PAPPA2: variants seen among roughly 807,000 people sequenced by gnomAD.
The protein encoded by PAPPA2 is pappalysin 2.
PAPPA2 carries 86 observed loss-of-function variants against 176.4 expected under a neutral mutation model. That is an observed-to-expected ratio of 0.49 (90% CI 0.41 to 0.58). The LOEUF (loss-of-function observed/expected upper bound fraction) is 0.58. Among genes scored for constraint, PAPPA2 ranks in the 20% least tolerant of loss-of-function variants. The pLI is 0.00. For synonymous variants in PAPPA2, 809 were observed against 852.2 expected (o/e 0.95, Z 0.88); for missense variants, 2,073 against 2,256.9 (o/e 0.92, Z 1.65).
intron 3 of PAPPA2, among the ~76,000 whole-genome samples, chr1:176,650,765 C>A (rs1406384965): frequency 1.5e-5 from 2 of 137,830 alleles, no homozygotes; most frequent in African/African-American, 5.4e-5. Flanking sequence ...CTGGTTGCTT[C>A]ATATTTTGTT....
At chr1:176,756,341 A>C (rs1178636574) in intron 14 of PAPPA2, among the ~76,000 whole-genome samples, 1 of 152,202 alleles carries the variant, frequency 6.6e-6, no homozygotes, top group Non-Finnish European at 1.5e-5. Flanking sequence ...AGGAGGAGGA[A>C]GAATAGGAGG....
chr1:176,555,018 AGAGAGG>A (rs1425872025), intron 1 of PAPPA2, among the ~76,000 whole-genome samples: 1 of 151,204 alleles, frequency 6.6e-6, no homozygotes, highest in Non-Finnish European at 1.5e-5. Context: ...AGAGAGAGAG[AGAGAGG>A]GAGAATACAC....
chr1:176,774,819 C>T (rs916304317), intron 17 of PAPPA2, among the ~76,000 whole-genome samples: 1 of 152,166 alleles, frequency 6.6e-6, no homozygotes, highest in Admixed American at 6.5e-5. Flanking sequence ...TCTAGCAGGG[C>T]TTCGCTTACT....
Position 176,769,438 on chromosome 1 carries a change from T to G in PAPPA2, c.4324-169T>G, listed in dbSNP as rs552855790. On this transcript the variant is annotated intron_variant, in intron 15 of 22. Transcript: ENST00000367662. ...CTTTTATCAGCATCATACTGAGTGT[T>G]GTAAGAATGTATATTAAAACAGTGA... 1.6e-4 allele frequency among the ~76,000 whole-genome samples: 24 copies of G among 152,294 alleles called. No individual in the cohort carries two copies. In the East Asian group the frequency reaches 4.3e-3, roughly 27 times the overall value.
rs989913815 is a variant in PAPPA2 at position 176,845,319 on chromosome 1, A to G, written c.*2865A>G. ...GAAAGGCAGGTAAGGGGACAGGGTGAGGAGAATGGGCAGATACTGACAGAA... is the reference window on the plus strand; with the variant it reads ...GAAAGGCAGGTAAGGGGACAGGGTGGGGAGAATGGGCAGATACTGACAGAA... On this transcript the variant is annotated 3_prime_UTR_variant, in exon 23 of 23. Transcript: ENST00000367662. 11 of 152,220 alleles carry G rather than the reference A, an allele frequency of 7.2e-5. No individual in the cohort carries two copies. Among genetic ancestry groups the G allele is most frequent in the African/African-American group, 2.7e-4 (11 of 41,454 alleles). The allele number at this position is 152,220 out of a possible 1,614,324, so 9.4% of individuals were successfully genotyped here.
At chr1:176,797,264 A>G (rs1275038413) in intron 20 of PAPPA2, among the ~76,000 whole-genome samples, 1 of 152,220 alleles carries the variant, frequency 6.6e-6, no homozygotes, top group Non-Finnish European at 1.5e-5. Context: ...AATGTTAACA[A>G]TTTTTGATAA....
chr1:176,731,386 A>G (rs372252344), intron 12 of PAPPA2, among the ~76,000 whole-genome samples: 7 of 151,834 alleles, frequency 4.6e-5, no homozygotes, highest in African/African-American at 1.7e-4. Flanking sequence ...TGCAACCCCC[A>G]TCTCCTGGGT....
intron 2 of PAPPA2, among the ~76,000 whole-genome samples, chr1:176,593,827 C>T (rs1172398697): frequency 6.6e-6 from 1 of 152,144 alleles, no homozygotes; most frequent in Non-Finnish European, 1.5e-5. Flanking sequence ...GGGTATAGAA[C>T]AGTCATTCTA....
intron 7 of PAPPA2, among the ~76,000 whole-genome samples, chr1:176,697,252 G>C (rs1389923944): frequency 6.6e-6 from 1 of 152,112 alleles, no homozygotes; most frequent in Non-Finnish European, 1.5e-5. Context: ...TTAACATGAA[G>C]TCATAATAAA....
At position 176,695,756 on chromosome 1, in the gene PAPPA2, T is replaced by C. The variant is rs1013808899; in HGVS notation, c.2643T>C (p.Cys881=). 1 of 1,614,062 alleles carries C rather than the reference T, an allele frequency of 6.2e-7. No homozygotes were observed. The highest frequency in any genetic ancestry group is 8.5e-7 in the Non-Finnish European group (1 of 1,179,974). The change falls in exon 7 of 23, where the codon TGT becomes TGC. Residue 881 remains cysteine (C), a synonymous_variant. Coordinates refer to ENST00000367662, the MANE Select transcript of PAPPA2 (RefSeq NM_020318.3). The part of the protein sequence containing the change: ...VVYDRASGSL[C]GACTEDGTFR... Reference sequence around the variant, plus strand: ...TCCCCAGGGCCTCAGGCAGCTTGTGTGGCGCTTGCACTGAAGATGGGACCT... The same window carrying C: ...TCCCCAGGGCCTCAGGCAGCTTGTGCGGCGCTTGCACTGAAGATGGGACCT...
intron 4 of PAPPA2, among the ~76,000 whole-genome samples, chr1:176,688,089 G>A (rs1291475768): frequency 6.6e-6 from 1 of 152,164 alleles, no homozygotes; most frequent in Non-Finnish European, 1.5e-5. Flanking sequence ...AAACTTTATA[G>A]GTGAATTGTG....
chr1:176,787,364 A>T (rs1664985587), intron 17 of PAPPA2, among the ~76,000 whole-genome samples: 1 of 151,852 alleles, frequency 6.6e-6, no homozygotes, highest in Non-Finnish European at 1.5e-5. Context: ...CCTCCCCAGT[A>T]GCTGGGACTA....
intron 21 of PAPPA2, among the ~76,000 whole-genome samples, chr1:176,821,255 T>C (rs1012023400): frequency 2.0e-5 from 3 of 152,174 alleles, no homozygotes; most frequent in Non-Finnish European, 4.4e-5. Flanking sequence ...CCAATGAGTA[T>C]AAGCCGATAA....
rs886619371 is a variant in PAPPA2, at chr1:176,541,986, G to A, written c.-916-13421G>A. On this transcript the variant is annotated intron_variant, in intron 1 of 22. Transcript: ENST00000367662. ...CAACATAAAGAAAAATACCTATCAC[G>A]TTTGTTGAATAGTTTCTTATTTTCC... Among the ~76,000 whole-genome samples the A allele has an allele frequency of 4.6e-5, 7 of 152,102 alleles. No individual in the cohort carries two copies. The East Asian group carries it at 9.6e-4, about 21-fold the overall frequency.
chr1:176,713,685 G>A (rs1221729140), intron 12 of PAPPA2, among the ~76,000 whole-genome samples: 1 of 151,960 alleles, frequency 6.6e-6, no homozygotes. Context: ...GTCCCCCCAG[G>A]CCCAAAGACA....
chr1:176,476,803 G>A (rs1652149522), intron 1 of PAPPA2, among the ~76,000 whole-genome samples: 1 of 152,196 alleles, frequency 6.6e-6, no homozygotes. Flanking sequence ...TATGTATAGG[G>A]AGGATGCCCT....
At chr1:176,576,170 G>A (rs1261543258) in intron 2 of PAPPA2, among the ~76,000 whole-genome samples, 1 of 152,106 alleles carries the variant, frequency 6.6e-6, no homozygotes, top group African/African-American at 2.4e-5. Flanking sequence ...TTCTGGAATG[G>A]TTTACTAACT....
chr1:176,739,915 T>C (rs917176167), intron 13 of PAPPA2, 65 bp from the exon 14 acceptor site: 2 of 1,587,028 alleles, frequency 1.3e-6, no homozygotes, highest in African/African-American at 2.7e-5. Context: ...ATAAAATGAA[T>C]ACAAGATATG....
chr1:176,765,501 G>T (rs1663920146), intron 14 of PAPPA2, among the ~76,000 whole-genome samples, 165 bp from the exon 15 acceptor site: 1 of 152,182 alleles, frequency 6.6e-6, no homozygotes, highest in Non-Finnish European at 1.5e-5. Flanking sequence ...CTATTATGCT[G>T]CATGGTGTTG....
Sources: gnomAD v4.1 joint callset for allele counts (sites outside exome capture counted in the v4.1 genomes callset) on GRCh38, gnomAD v4.1.1 for gene constraint, MANE v1.5 for transcripts, NCBI Gene and HGNC (gene_info 2026-07-23, HGNC 2026-07-21) for gene names.